The following MEI4 variants were observed in gnomAD, a reference collection of about 807,000 sequenced individuals.
MEI4 encodes the protein meiotic double-stranded break formation protein 4.
Under a neutral mutation model 31.4 loss-of-function variants are expected in MEI4, and 27 were observed. The ratio of observed to expected loss-of-function variants is 0.86; its 90% CI spans 0.63 to 1.19. MEI4 has a LOEUF of 1.19. MEI4 is among the 50% of genes most tolerant of loss of function. The probability of loss-of-function intolerance (pLI) is 0.00; values close to 1 mark genes in which losing one functional copy is unlikely to be tolerated. For synonymous variants in MEI4, 122 were observed against 145.4 expected (o/e 0.84, Z 1.16); for missense variants, 329 against 398.9 (o/e 0.82, Z 1.49).
intron 4 of MEI4, among the ~76,000 whole-genome samples, chr6:77,840,102 T>C (rs1446372795): frequency 1.3e-5 from 2 of 150,848 alleles, no homozygotes; most frequent in Non-Finnish European, 3.0e-5. Context: ...GTTGTGTGTG[T>C]TTTTTGTGTG....
At chr6:77,734,305 G>T (rs912098805) in intron 2 of MEI4, among the ~76,000 whole-genome samples, 4 of 151,962 alleles carry the variant, frequency 2.6e-5, no homozygotes, top group Non-Finnish European at 4.4e-5. Flanking sequence ...ATGAATCTGG[G>T]TGCTCCTGTA....
At chr6:77,819,969 C>A (rs1255046149) in intron 3 of MEI4, among the ~76,000 whole-genome samples, 1 of 151,440 alleles carries the variant, frequency 6.6e-6, no homozygotes, top group African/African-American at 2.4e-5. Flanking sequence ...GCTTTTTTTT[C>A]TTTTCTTCAT....
chr6:77,830,906 A>G (rs1770063154), intron 4 of MEI4, among the ~76,000 whole-genome samples: 1 of 151,924 alleles, frequency 6.6e-6, no homozygotes, highest in South Asian at 2.1e-4. Flanking sequence ...ACAAATGAGA[A>G]TATATCAAGG....
intron 2 of MEI4, among the ~76,000 whole-genome samples, chr6:77,710,544 A>T (rs986295040): frequency 3.7e-5 from 5 of 136,282 alleles, no homozygotes; most frequent in African/African-American, 1.7e-4. Flanking sequence ...AAAAAAAAAG[A>T]AAAGGTAAAA....
intron 3 of MEI4, among the ~76,000 whole-genome samples, chr6:77,802,938 C>T (rs1262158985): frequency 6.6e-6 from 1 of 152,088 alleles, no homozygotes; most frequent in Non-Finnish European, 1.5e-5. Context: ...GTGAATCTTA[C>T]AATTATGTGT....
intron 3 of MEI4, among the ~76,000 whole-genome samples, chr6:77,794,849 A>C (rs1389462385): frequency 1.3e-5 from 2 of 152,198 alleles, no homozygotes; most frequent in Non-Finnish European, 2.9e-5. Flanking sequence ...TCAACAAAAG[A>C]AGTCTTAACT....
intron 2 of MEI4, among the ~76,000 whole-genome samples, chr6:77,751,884 C>T (rs761697390): frequency 7.9e-5 from 12 of 152,036 alleles, no homozygotes; most frequent in South Asian, 2.1e-4. Context: ...ACTGGCAAAC[C>T]GAATCCAGCA....
At chr6:77,885,484 A>T (rs1309193208) in intron 4 of MEI4, among the ~76,000 whole-genome samples, 1 of 152,056 alleles carries the variant, frequency 6.6e-6, no homozygotes, top group African/African-American at 2.4e-5. Flanking sequence ...GAGCTATTGC[A>T]TCTGGCCAAG....
chr6:77,748,147 G>A (rs574962387), intron 2 of MEI4, among the ~76,000 whole-genome samples: 9 of 152,178 alleles, frequency 5.9e-5, no homozygotes, highest in Admixed American at 3.3e-4. Context: ...GGATCTGGGG[G>A]ACAGTAGCCC....
At chr6:77,873,926 A>G (rs1247005709) in intron 4 of MEI4, among the ~76,000 whole-genome samples, 3 of 152,102 alleles carry the variant, frequency 2.0e-5, no homozygotes, top group Non-Finnish European at 4.4e-5. Flanking sequence ...GATATGCGGC[A>G]TTATTTCTGA....
At chr6:77,808,432 G>A (rs1769493318) in intron 3 of MEI4, among the ~76,000 whole-genome samples, 1 of 152,076 alleles carries the variant, frequency 6.6e-6, no homozygotes, top group South Asian at 2.1e-4. Context: ...TCAGAACAGA[G>A]GTATAGACTA....
rs535810209 is a variant in MEI4 at position 77,771,524 on chromosome 6, CAT to C, written c.768+9860_768+9861del. Among the ~76,000 whole-genome samples the C allele has an allele frequency of 4.6e-3, 703 of 152,196 alleles. 7 individuals are homozygous for C. The highest frequency in any genetic ancestry group is 0.021 in the South Asian group (103 of 4,820). On this transcript the variant is annotated intron_variant, in intron 3 of 4. Coordinates refer to ENST00000684080, the MANE Select transcript of MEI4 (RefSeq NM_001322247.2). ...GTAGCACTATTCACAGTAGCAAAGA[CAT>C]GTTATCAACCTAAATGCCCATTAAC...
intron 4 of MEI4, among the ~76,000 whole-genome samples, chr6:77,854,028 A>G (rs1207288993): frequency 6.6e-6 from 1 of 152,106 alleles, no homozygotes; most frequent in Non-Finnish European, 1.5e-5. Flanking sequence ...AACTAAAGAG[A>G]CTGTGTTAAT....
chr6:77,774,294 A>C (rs545930435), intron 3 of MEI4, among the ~76,000 whole-genome samples: 1 of 152,100 alleles, frequency 6.6e-6, no homozygotes, highest in Non-Finnish European at 1.5e-5. Context: ...GATAAATAAA[A>C]TGTGGTACAT....
chr6:77,695,169 T>G (rs573341150), intron 2 of MEI4, among the ~76,000 whole-genome samples: 1 of 152,166 alleles, frequency 6.6e-6, no homozygotes, highest in Non-Finnish European at 1.5e-5. Context: ...ATTAGCCCTT[T>G]GTCAGATGAG....
intron 3 of MEI4, among the ~76,000 whole-genome samples, chr6:77,818,747 G>A (rs1158581198): frequency 3.9e-5 from 6 of 152,066 alleles, no homozygotes; most frequent in African/African-American, 9.7e-5. Flanking sequence ...TTTTAATAGT[G>A]ACAGGGTCTT....
intron 2 of MEI4, among the ~76,000 whole-genome samples, chr6:77,747,431 C>A (rs1466874653): frequency 6.6e-6 from 1 of 152,146 alleles, no homozygotes. Flanking sequence ...AACGCACAGT[C>A]ATGGTAGAAG....
chr6:77,786,302 C>G lies in MEI4; in HGVS notation c.768+24637C>G, dbSNP rs143948709. On this transcript the variant is annotated intron_variant, in intron 3 of 4. Transcript: ENST00000684080. ...TTATGCATGATTTCTTAATTATGAGCAGTCTCTCACTAAGGTAAAATTGTA... is the reference window on the plus strand; with the variant it reads ...TTATGCATGATTTCTTAATTATGAGGAGTCTCTCACTAAGGTAAAATTGTA... Among the ~76,000 whole-genome samples, 642 of 152,084 alleles carry G rather than the reference C, an allele frequency of 4.2e-3. 3 individuals are homozygous for G. Among genetic ancestry groups the G allele is most frequent in the Non-Finnish European group, 6.0e-3 (405 of 67,996 alleles).
chr6:77,670,757 C>T (rs1315219254), intron 1 of MEI4, among the ~76,000 whole-genome samples: 3 of 152,100 alleles, frequency 2.0e-5, no homozygotes, highest in Admixed American at 6.5e-5. Context: ...CAAACAATCC[C>T]TTACCTTTTC....
Sources: allele counts gnomAD v4.1 joint callset (sites outside exome capture counted in the v4.1 genomes callset), GRCh38; gene constraint gnomAD v4.1.1; transcripts MANE v1.5; gene names NCBI Gene and HGNC (gene_info 2026-07-23, HGNC 2026-07-21).